Variants in FERRY3 observed in about 807,000 individuals in gnomAD.
The protein encoded by FERRY3 is protein C12orf4.
chr12:4,534,822 CAT>C, the FERRY3 span, among the ~76,000 whole-genome samples: 1 of 152,114 alleles, frequency 6.6e-6, no homozygotes, highest in Admixed American at 6.5e-5. Flanking sequence ...CAGGCTATTG[CAT>C]AGAGAAAGGT....
chr12:4,536,698 C>A, the FERRY3 span, among the ~76,000 whole-genome samples: 1 of 152,086 alleles, frequency 6.6e-6, no homozygotes, highest in African/African-American at 2.4e-5. Flanking sequence ...GAAAGATTTC[C>A]ATGTGGGAAG....
chr12:4,501,603 C>T, the FERRY3 span, among the ~76,000 whole-genome samples: 21 of 152,246 alleles, frequency 1.4e-4, no homozygotes, highest in Admixed American at 7.8e-4. Flanking sequence ...ATCTAGGTTG[C>T]GTGCTCCTTA....
At chr12:4,491,250 AAACAT>A in the FERRY3 span, 2 of 1,605,642 alleles carry the variant, frequency 1.2e-6, no homozygotes. Flanking sequence ...AACAGAAACA[AAACAT>A]AAGATATGTT....
chr12:4,517,710 CAG>C, the FERRY3 span, among the ~76,000 whole-genome samples: 21,351 of 132,018 alleles, frequency 0.16, 1,966 homozygotes, highest in African/African-American at 0.28. Context: ...TATATATAGA[CAG>C]AGAGAGAGAG....
the FERRY3 span, among the ~76,000 whole-genome samples, chr12:4,507,904 T>G: frequency 6.6e-6 from 1 of 152,220 alleles, no homozygotes; most frequent in East Asian, 1.9e-4. Flanking sequence ...ACATGTGAGA[T>G]AGCACTGGGT....
the FERRY3 span, among the ~76,000 whole-genome samples, chr12:4,511,741 T>C: frequency 8.4e-4 from 120 of 142,980 alleles, no homozygotes; most frequent in African/African-American, 3.1e-3. Context: ...TTCAAAGCAG[T>C]GTGTAGAGGG....
the FERRY3 span, among the ~76,000 whole-genome samples, chr12:4,501,940 A>G: frequency 6.6e-6 from 1 of 152,196 alleles, no homozygotes. Context: ...TCTCTCCAAC[A>G]TCATCTTGTC....
the FERRY3 span, chr12:4,525,453 G>A: frequency 5.2e-5 from 83 of 1,601,630 alleles, no homozygotes; most frequent in Non-Finnish European, 1.4e-5. Context: ...AAATGCAACT[G>A]CATACCTAAA....
At chr12:4,534,791 G>T in the FERRY3 span, among the ~76,000 whole-genome samples, 2 of 152,166 alleles carry the variant, frequency 1.3e-5, no homozygotes, top group African/African-American at 4.8e-5. Flanking sequence ...CTAATTTCAT[G>T]ATTATTTTCC....
the FERRY3 span, among the ~76,000 whole-genome samples, chr12:4,493,166 G>A: frequency 1.3e-5 from 2 of 151,982 alleles, no homozygotes; most frequent in African/African-American, 4.8e-5. Context: ...AACTCCCAAA[G>A]TACTTTACTG....
chr12:4,504,409 G>A, the FERRY3 span, among the ~76,000 whole-genome samples: 1 of 152,132 alleles, frequency 6.6e-6, no homozygotes, highest in South Asian at 2.1e-4. Context: ...AAACACTAAG[G>A]GTCATCAGAG....
At chr12:4,513,411 A>G in the FERRY3 span, among the ~76,000 whole-genome samples, 1 of 151,680 alleles carries the variant, frequency 6.6e-6, no homozygotes, top group Non-Finnish European at 1.5e-5. Context: ...TTCATATGGA[A>G]CCAAAAAAGA....
chr12:4,508,320 G>A, the FERRY3 span, among the ~76,000 whole-genome samples: 2 of 152,142 alleles, frequency 1.3e-5, no homozygotes, highest in East Asian at 1.9e-4. Context: ...AACACAGCAG[G>A]TGCAAACAAA....
At chr12:4,529,876 G>A in the FERRY3 span, 11 of 1,571,888 alleles carry the variant, frequency 7.0e-6, no homozygotes, top group South Asian at 2.4e-5. Context: ...TACCTCTCTC[G>A]TAATTTTTTC....
the FERRY3 span, chr12:4,491,080 CA>C: frequency 1.9e-6 from 2 of 1,057,776 alleles, no homozygotes; most frequent in East Asian, 4.8e-5. Context: ...CACTAGATTA[CA>C]GGGGTATCTT....
At chr12:4,535,852 CAATAAA>C in the FERRY3 span, among the ~76,000 whole-genome samples, 1 of 152,116 alleles carries the variant, frequency 6.6e-6, no homozygotes, top group Non-Finnish European at 1.5e-5. The surrounding 1 kb of genome is among the most constrained non-coding windows in gnomAD (Gnocchi z 4.0). Context: ...AAAAAACACT[CAATAAA>C]AGAAAGCTCT....
the FERRY3 span, chr12:4,505,242 T>C: frequency 7.1e-6 from 7 of 981,004 alleles, no homozygotes; most frequent in South Asian, 9.4e-5. Flanking sequence ...ATTCCTATGG[T>C]GTGCATTATA....
At chr12:4,537,009 G>C in the FERRY3 span, among the ~76,000 whole-genome samples, 5 of 152,066 alleles carry the variant, frequency 3.3e-5, no homozygotes, top group Admixed American at 6.6e-5. Flanking sequence ...ACATTCCATT[G>C]CTCTCAGGAT....
the FERRY3 span, chr12:4,518,781 A>G: frequency 6.4e-7 from 1 of 1,557,608 alleles, no homozygotes; most frequent in Non-Finnish European, 8.8e-7. Context: ...TACCTAAGTG[A>G]ATGGTAAAAC....
Sources: gnomAD v4.1 joint callset for allele counts (sites outside exome capture counted in the v4.1 genomes callset) on GRCh38, gnomAD v4.1.1 for gene constraint, Gnocchi (gnomAD v3.1) non-coding constraint, MANE v1.5 for transcripts, NCBI Gene and HGNC (gene_info 2026-07-23, HGNC 2026-07-21) for gene names.